NFASC: variants seen among roughly 807,000 people sequenced by gnomAD.
NFASC encodes the protein neurofascin.
A neutral mutation model predicts 147.5 loss-of-function variants in NFASC; 43 were observed. The observed-to-expected ratio is 0.29, with a 90% CI of 0.23 to 0.38. The LOEUF is 0.38. Among genes scored for constraint, NFASC ranks in the 10% least tolerant of loss-of-function variants. The pLI, the probability that NFASC is intolerant of heterozygous loss-of-function variation, is 1.00. For synonymous variants in NFASC, 622 were observed against 665.5 expected, an observed-to-expected ratio of 0.93 and a Z score of 1.01; for missense variants, 1,320 against 1,689.0, an observed-to-expected ratio of 0.78 and a Z score of 3.83.
intron 2 of NFASC, among the ~76,000 whole-genome samples, chr1:204,936,856 C>G (rs2149679562): frequency 6.6e-6 from 1 of 152,328 alleles, no homozygotes; most frequent in Middle Eastern, 3.4e-3. Flanking sequence ...TCTCCGTGAG[C>G]ATGCCCTGGA....
chr1:205,016,836 A>G lies in NFASC; in HGVS notation c.*297A>G, dbSNP rs2096366500. On this transcript the variant is annotated 3_prime_UTR_variant, in exon 30 of 30. Transcript: ENST00000339876. The surrounding 1 kb of genome is among the most constrained non-coding windows in gnomAD (Gnocchi z 5.1). Reference sequence around the variant, plus strand: ...GCAGCCACCCCGAGCGTTCCACCACACTGTCCGCCCTTGGCCTCGGCACAC... The same window carrying G: ...GCAGCCACCCCGAGCGTTCCACCACGCTGTCCGCCCTTGGCCTCGGCACAC... The G allele has an allele frequency of 2.1e-6, 1 of 480,950 alleles. No homozygotes were observed. The highest frequency in any genetic ancestry group is 2.0e-5 in the South Asian group (1 of 50,302). The allele number at this position is 480,950 out of a possible 1,614,324, so 29.8% of individuals were successfully genotyped here. A position where few individuals can be genotyped will look rare whatever the true frequency, so the allele number is the denominator to read the frequency against.
chr1:204,863,440 A>C (rs750453655), intron 1 of NFASC, among the ~76,000 whole-genome samples: 2 of 152,230 alleles, frequency 1.3e-5, no homozygotes, highest in Non-Finnish European at 2.9e-5. Context: ...ATATAATAGA[A>C]AACTTGCTAT....
At chr1:204,896,096 G>T (rs1037380565) in intron 1 of NFASC, among the ~76,000 whole-genome samples, 5 of 152,214 alleles carry the variant, frequency 3.3e-5, no homozygotes, top group African/African-American at 1.2e-4. Context: ...CATGGAGAAG[G>T]CCAAAAGGAA....
chr1:204,863,477 C>G (rs947572384), intron 1 of NFASC, among the ~76,000 whole-genome samples: 7 of 152,192 alleles, frequency 4.6e-5, no homozygotes, highest in Admixed American at 1.3e-4. Context: ...ACATACAACT[C>G]AGTTACATTT....
At chr1:204,864,652 T>G (rs964256223) in intron 1 of NFASC, among the ~76,000 whole-genome samples, 4 of 152,266 alleles carry the variant, frequency 2.6e-5, no homozygotes, top group Non-Finnish European at 5.9e-5. Flanking sequence ...TCTTTTCATG[T>G]GCTTCTTGGC....
rs1221535354 is a variant in NFASC, at chr1:205,016,695, G to A, written c.*156G>A. The A allele has an allele frequency of 1.4e-6, 1 of 698,612 alleles. No homozygotes were observed. The highest frequency in any genetic ancestry group is 1.5e-5 in the South Asian group (1 of 66,732). The allele number at this position is 698,612 out of a possible 1,614,324, so 43.3% of individuals were successfully genotyped here. On this transcript the variant is annotated 3_prime_UTR_variant, in exon 30 of 30. Transcript: ENST00000339876. The surrounding 1 kb of genome is among the most constrained non-coding windows in gnomAD (Gnocchi z 5.1). ...AGCTGTGAGGACCAGTAGCCACCAA[G>A]CCACCCACAAGCCCCCTCCCAATGA... is the stretch of plus-strand genomic sequence containing the variant.
intron 3 of NFASC, among the ~76,000 whole-genome samples, chr1:204,949,306 T>C (rs904350181): frequency 2.0e-5 from 3 of 152,202 alleles, no homozygotes; most frequent in Non-Finnish European, 2.9e-5. Flanking sequence ...AGCTTAACTC[T>C]GGCTTCTCCA....
chr1:204,922,915 C>A (rs2090780313), intron 2 of NFASC, among the ~76,000 whole-genome samples: 1 of 152,224 alleles, frequency 6.6e-6, no homozygotes, highest in Non-Finnish European at 1.5e-5. Flanking sequence ...TCTCAGCACT[C>A]CCCGTGCACC....
In NFASC at chr1:204,984,831, C is replaced by T. The variant is rs16854876; in HGVS notation, c.2471-2587C>T. 5.5e-3 allele frequency among the ~76,000 whole-genome samples: 839 copies of T among 152,206 alleles called. 11 individuals carry two copies. Among genetic ancestry groups the T allele is most frequent in the South Asian group, 0.011 (53 of 4,822 alleles). On this transcript the variant is annotated intron_variant, in intron 21 of 29. Coordinates refer to ENST00000339876, the MANE Select transcript of NFASC (RefSeq NM_001005388.3). The stretch of plus-strand genomic sequence containing the variant: ...AGAGAGAGAGCACCCAGGGTATACA[C>T]GGCGCTCCCTTCTGAGTAGCGCTAA...
In NFASC at chr1:204,975,829, G is replaced by C. The variant is rs2095389697; in HGVS notation, c.1706+411G>C. 6.6e-6 allele frequency among the ~76,000 whole-genome samples: 1 copy of C among 152,116 alleles called. No homozygotes were observed. Among genetic ancestry groups the C allele is most frequent in the South Asian group, 2.1e-4 (1 of 4,828 alleles). ...ACCCCTAATCTTCAGCAGAGGGCAG[G>C]GTTGATCTGAGCCAGCTCTCAGCCC... is the stretch of plus-strand genomic sequence containing the variant. On this transcript the variant is annotated intron_variant, in intron 15 of 29. Transcript: ENST00000339876. The surrounding 1 kb of genome is among the most constrained non-coding windows in gnomAD (Gnocchi z 4.0).
At chr1:204,929,583 G>A (rs964715073) in intron 2 of NFASC, 2 of 152,446 alleles carry the variant, frequency 1.3e-5, no homozygotes, top group African/African-American at 4.8e-5. Flanking sequence ...GGAGGTGGGA[G>A]GATTGTGTGG....
intron 1 of NFASC, among the ~76,000 whole-genome samples, chr1:204,878,443 G>A (rs1407772074): frequency 2.6e-5 from 4 of 152,206 alleles, no homozygotes; most frequent in African/African-American, 9.6e-5. Context: ...AAATGCAAAT[G>A]TGCTAGAGAA....
intron 1 of NFASC, among the ~76,000 whole-genome samples, chr1:204,877,546 G>A (rs2079278745): frequency 6.6e-6 from 1 of 152,140 alleles, no homozygotes; most frequent in Admixed American, 6.5e-5. Flanking sequence ...GAGGTATAAT[G>A]AGGTATGTCT....
chr1:204,990,447 A>G (rs1453963992), intron 23 of NFASC: 2 of 152,054 alleles, frequency 1.3e-5, no homozygotes, highest in Admixed American at 1.3e-4. Flanking sequence ...GTCCAGCCCC[A>G]GTAACCACCA....
rs774180388 is a variant in NFASC at position 204,974,784 on chromosome 1, C to A, written c.1519C>A (p.Leu507Met). ...CTACACCTGTGTCGCCACCAACATC[C>A]TGGGCAAAGCTGAAAACCAAGTCCG... ...GIYTCVATNI[L>M]GKAENQVRLE... The change falls in exon 14 of 30, where the codon CTG (leucine) becomes ATG (methionine). Residue 507 changes from leucine to methionine, a missense_variant. Coordinates refer to ENST00000339876, the MANE Select transcript of NFASC (RefSeq NM_001005388.3). 1 of 1,614,210 alleles carries A rather than the reference C, an allele frequency of 6.2e-7. No homozygotes were observed. Among genetic ancestry groups the A allele is most frequent in the South Asian group, 1.1e-5 (1 of 91,078 alleles).
chr1:204,989,151 G>A, intron 23 of NFASC: 1 of 320,682 alleles, frequency 3.1e-6, no homozygotes, highest in Non-Finnish European at 6.0e-6. Flanking sequence ...AGAACAGTGA[G>A]TGTTCACCTC....
intron 4 of NFASC, among the ~76,000 whole-genome samples, chr1:204,951,545 T>C (rs894529866): frequency 6.7e-6 from 1 of 150,056 alleles, no homozygotes; most frequent in Non-Finnish European, 1.5e-5. Flanking sequence ...CTCGGCTCAC[T>C]GCAAGCTCCG....
At chr1:204,855,188 A>G (rs2076048989) in intron 1 of NFASC, among the ~76,000 whole-genome samples, 1 of 151,822 alleles carries the variant, frequency 6.6e-6, no homozygotes, top group Non-Finnish European at 1.5e-5. Flanking sequence ...TAGATAGAGC[A>G]TATGTATAAT....
chr1:204,987,376 C>T lies in NFASC; in HGVS notation c.2471-42C>T. On this transcript the variant is annotated intron_variant, in intron 21 of 29. Coordinates refer to ENST00000339876, the MANE Select transcript of NFASC (RefSeq NM_001005388.3). This position sits in a 1 kb window ranked among gnomAD's most constrained non-coding sequence, Gnocchi z 4.4. ...TTTGTGTTTTCCTCATCCTCCCTGC[C>T]CCCTCCCCCTCATCTCCCCTGCTCT... The T allele has an allele frequency of 6.3e-7, 1 of 1,582,448 alleles. No individual in the cohort carries two copies. The highest frequency in any genetic ancestry group is 8.7e-7 in the Non-Finnish European group (1 of 1,155,878).
Sources: allele counts gnomAD v4.1 joint callset (sites outside exome capture counted in the v4.1 genomes callset), GRCh38; gene constraint gnomAD v4.1.1; non-coding constraint Gnocchi (gnomAD v3.1); transcripts MANE v1.5; gene names NCBI Gene and HGNC (gene_info 2026-07-23, HGNC 2026-07-21).